The following ATXN7L1 variants were observed in gnomAD, a reference collection of about 807,000 sequenced individuals.
ATXN7L1 encodes ataxin 7 like 1.
ATXN7L1 carries 15 observed loss-of-function variants against 70.8 expected under a neutral mutation model. The ratio of observed to expected loss-of-function variants is 0.21; its 90% CI spans 0.14 to 0.33. The LOEUF is 0.33. Ranked by LOEUF, ATXN7L1 falls within the 10% of genes least tolerant of loss-of-function variation. The pLI is 1.00. For synonymous variants in ATXN7L1, 440 were observed against 445.1 expected (o/e 0.99, Z 0.14); for missense variants, 975 against 1,097.1 (o/e 0.89, Z 1.57).
chr7:105,766,021 A>G (rs2116425349), intron 3 of ATXN7L1, among the ~76,000 whole-genome samples: 2 of 152,144 alleles, frequency 1.3e-5, no homozygotes, highest in East Asian at 3.9e-4. Context: ...TGGCCACAGA[A>G]GAAATCAAAA....
chr7:105,673,726 C>T (rs144651436), intron 3 of ATXN7L1, among the ~76,000 whole-genome samples: 13 of 152,270 alleles, frequency 8.5e-5, no homozygotes, highest in East Asian at 1.9e-4. Flanking sequence ...TACTTACAGC[C>T]GCTTGGTGAG....
At chr7:105,795,953 A>C (rs980439650) in intron 2 of ATXN7L1, among the ~76,000 whole-genome samples, 2 of 152,250 alleles carry the variant, frequency 1.3e-5, no homozygotes, top group Non-Finnish European at 2.9e-5. Flanking sequence ...TTTAAACATT[A>C]TGCTTTTCAT....
At chr7:105,649,147 C>T (rs916652291) in intron 4 of ATXN7L1, among the ~76,000 whole-genome samples, 1 of 152,202 alleles carries the variant, frequency 6.6e-6, no homozygotes, top group Non-Finnish European at 1.5e-5. Context: ...TCACGATTGT[C>T]CTTTCTTTGT....
chr7:105,760,184 A>C (rs1265088309), intron 3 of ATXN7L1: 8 of 983,482 alleles, frequency 8.1e-6, no homozygotes, highest in Non-Finnish European at 7.2e-6. Flanking sequence ...CATCTATCCA[A>C]CCATCCACCC....
chr7:105,662,039 C>A (rs1168945010), intron 4 of ATXN7L1, among the ~76,000 whole-genome samples: 1 of 94,766 alleles, frequency 1.1e-5, no homozygotes, highest in Non-Finnish European at 2.1e-5. Context: ...TCCTTCCTTC[C>A]TTCCTTCCTT....
intron 2 of ATXN7L1, among the ~76,000 whole-genome samples, chr7:105,852,847 T>A (rs1815081858): frequency 6.6e-6 from 1 of 151,960 alleles, no homozygotes; most frequent in African/African-American, 2.4e-5. Flanking sequence ...CAAATATACA[T>A]ACGATGAGAT....
At chr7:105,819,679 A>C in intron 2 of ATXN7L1, 1 of 944,050 alleles carries the variant, frequency 1.1e-6, no homozygotes, top group Admixed American at 1.7e-5. Context: ...AAGCAGATGA[A>C]CACCAACCCT....
At chr7:105,736,166 G>C (rs1446678896) in intron 3 of ATXN7L1, among the ~76,000 whole-genome samples, 1 of 152,192 alleles carries the variant, frequency 6.6e-6, no homozygotes, top group Non-Finnish European at 1.5e-5. Context: ...GAGTGATGAG[G>C]CTTCAGTCAC....
chr7:105,737,876 G>A (rs1797580866), intron 3 of ATXN7L1, among the ~76,000 whole-genome samples: 2 of 152,116 alleles, frequency 1.3e-5, no homozygotes, highest in Non-Finnish European at 2.9e-5. Context: ...GGCAAAGAGT[G>A]GCCCAGAGAC....
chr7:105,822,034 T>G (rs1346024675), intron 2 of ATXN7L1, among the ~76,000 whole-genome samples: 2 of 152,252 alleles, frequency 1.3e-5, no homozygotes, highest in Non-Finnish European at 2.9e-5. Flanking sequence ...CACATAATTG[T>G]CTTGCTGAGG....
At chr7:105,730,397 T>TAAA (rs1005823865) in intron 3 of ATXN7L1, among the ~76,000 whole-genome samples, 6 of 148,842 alleles carry the variant, frequency 4.0e-5, no homozygotes, top group Non-Finnish European at 9.0e-5. Context: ...CAAGTTTATT[T>TAAA]AAAAAAAAAA....
intron 3 of ATXN7L1, among the ~76,000 whole-genome samples, chr7:105,787,582 A>G (rs899767787): frequency 3.9e-5 from 6 of 152,228 alleles, no homozygotes; most frequent in Non-Finnish European, 1.5e-5. Context: ...AGACTGTTAA[A>G]GAGCTTGGAT....
At chr7:105,784,076 C>G (rs1480906057) in intron 3 of ATXN7L1, among the ~76,000 whole-genome samples, 1 of 152,152 alleles carries the variant, frequency 6.6e-6, no homozygotes, top group Non-Finnish European at 1.5e-5. Context: ...ATTCTCCTAC[C>G]TCAGCATCCT....
At chr7:105,719,813 C>T (rs1455334842) in intron 3 of ATXN7L1, among the ~76,000 whole-genome samples, 8 of 152,150 alleles carry the variant, frequency 5.3e-5, no homozygotes, top group Admixed American at 4.6e-4. Flanking sequence ...AAGCAGTGAG[C>T]GTTCCTTTTG....
At chr7:105,798,832 T>G (rs371256296) in intron 2 of ATXN7L1, among the ~76,000 whole-genome samples, 154 of 152,314 alleles carry the variant, frequency 1.0e-3, no homozygotes, top group Non-Finnish European at 1.8e-3. Context: ...TTCTTCTATT[T>G]GGATGAAAAA....
intron 9 of ATXN7L1, among the ~76,000 whole-genome samples, chr7:105,616,548 G>A (rs1032600572): frequency 6.6e-6 from 1 of 152,212 alleles, no homozygotes; most frequent in Non-Finnish European, 1.5e-5. Context: ...GAAGGTAAGA[G>A]ATCCTGTAAG....
rs369620059 is a variant in ATXN7L1, at chr7:105,639,819, G to A, written c.863-250C>T. On this transcript the variant is annotated intron_variant, in intron 5 of 11. Transcript: ENST00000419735. ...TCTAGCTTCGGCAGCACCGCCGAACGCAGCACAAGGCTCGGGGAATAGGGC... is the reference window on the plus strand; with the variant it reads ...TCTAGCTTCGGCAGCACCGCCGAACACAGCACAAGGCTCGGGGAATAGGGC... Among the ~76,000 whole-genome samples the A allele has an allele frequency of 9.2e-5, 14 of 152,310 alleles. No homozygotes were observed. In the East Asian group the frequency reaches 2.5e-3, roughly 27 times the overall value.
chr7:105,844,585 TAA>T (rs1350559126), intron 2 of ATXN7L1, among the ~76,000 whole-genome samples: 1 of 152,204 alleles, frequency 6.6e-6, no homozygotes, highest in Admixed American at 6.5e-5. Flanking sequence ...TTCAACTTGA[TAA>T]AGTGTATTTA....
rs940221747 is a variant in ATXN7L1, at chr7:105,851,710, T to TTTG, written c.250+24099_250+24101dup. On this transcript the variant is annotated intron_variant, in intron 2 of 11. Coordinates refer to ENST00000419735, the MANE Select transcript of ATXN7L1 (RefSeq NM_020725.2). ...ACAAGCTGTAAATTTCTTTAAACAT[T>TTTG]TTGTTGTTGTTGTTGTTGTTGAAAG... is the stretch of plus-strand genomic sequence containing the variant. 4.6e-5 allele frequency among the ~76,000 whole-genome samples: 7 copies of TTTG among 152,088 alleles called. No individual in the cohort carries two copies. The South Asian group carries it at 6.2e-4, about 14-fold the overall frequency.
Sources: allele counts gnomAD v4.1 joint callset (sites outside exome capture counted in the v4.1 genomes callset), GRCh38; gene constraint gnomAD v4.1.1; transcripts MANE v1.5; gene names NCBI Gene and HGNC (gene_info 2026-07-23, HGNC 2026-07-21).